Variants in PRKDC observed in about 807,000 individuals in gnomAD.
PRKDC encodes the protein DNA-dependent protein kinase catalytic subunit.
In PRKDC, 82 loss-of-function variants were observed where a neutral mutation model predicts 486.9. The observed-to-expected ratio is 0.17, with a 90% confidence interval of 0.14 to 0.20. The LOEUF (loss-of-function observed/expected upper bound fraction) is 0.20. Ranked by LOEUF, PRKDC falls within the 10% of genes least tolerant of loss-of-function variation. The pLI is 1.00. For missense variants in PRKDC, 4,504 were observed against 5,038.2 expected (o/e 0.89, Z 3.21); for synonymous variants, 1,895 against 1,837.0 (o/e 1.03, Z -0.81).
intron 36 of PRKDC, among the ~76,000 whole-genome samples, chr8:47,883,277 T>C (rs1419292166): frequency 6.6e-6 from 1 of 152,232 alleles, no homozygotes; most frequent in Admixed American, 6.5e-5. Flanking sequence ...TGAGAAGACA[T>C]ATGTCATTCA....
In PRKDC at chr8:47,886,190, T is replaced by C. The variant is rs375399455; in HGVS notation, c.4573-43A>G. On this transcript the variant is annotated intron_variant, in intron 35 of 85. Coordinates refer to ENST00000314191, the MANE Select transcript of PRKDC (RefSeq NM_006904.7). ...GAAGTACCATAACTGGGGCACATCT[T>C]TGCATGGCACAGAAAGACCCTTGGG... 1.0e-4 allele frequency: 155 copies of C among 1,477,162 alleles called. No homozygotes were observed. In the African/African-American group the frequency reaches 1.9e-3, roughly 18 times the overall value. The allele number at this position is 1,477,162 out of a possible 1,614,324, so 91.5% of individuals were successfully genotyped here.
intron 23 of PRKDC, 66 bp downstream of exon 23, chr8:47,915,262 C>T: frequency 1.1e-6 from 1 of 876,642 alleles, no homozygotes; most frequent in Non-Finnish European, 1.7e-6. Flanking sequence ...TATATTATGA[C>T]CTGGATACAT....
At chr8:47,787,696 G>C (rs1454194311) in intron 76 of PRKDC, among the ~76,000 whole-genome samples, 1 of 152,196 alleles carries the variant, frequency 6.6e-6, no homozygotes, top group Non-Finnish European at 1.5e-5. Flanking sequence ...CAGCCCTGCA[G>C]GGAAGTCTCA....
rs141732799 is a variant in PRKDC at position 47,785,648 on chromosome 8, C to T, written c.10903-331G>A. On this transcript the variant is annotated intron_variant, in intron 76 of 85. Transcript: ENST00000314191. ...ACTCAGGAGGCTGAAGTGGGAGGAT[C>T]GCTATTGAGCCCAGGAGTCTGAAGT... 2.8e-4 allele frequency among the ~76,000 whole-genome samples: 42 copies of T among 151,990 alleles called. 3 individuals carry two copies. The highest frequency in any genetic ancestry group is 7.0e-4 in the African/African-American group (29 of 41,442).
In PRKDC at chr8:47,774,355, C is replaced by T; in HGVS notation, c.12205G>A (p.Glu4069Lys). The change falls in exon 86 of 86, where the codon GAG (glutamate) becomes AAG (lysine). Residue 4069 changes from glutamate (E) to lysine (K), a missense_variant. Around this residue, in one of 6 missense-constraint regions of PRKDC, gnomAD observed 706 missense variants for 945.0 expected, o/e 0.75. Coordinates refer to ENST00000314191, the MANE Select transcript of PRKDC (RefSeq NM_006904.7). Reference protein sequence around the residue: ...ITCDELLLGHEKAPAFRDYVA... With the variant: ...ITCDELLLGHKKAPAFRDYVA... ...TAGTCTCTGAAGGCAGGGGCCTTCT[C>T]ATGACCCAGGAGTAGCTCATCACTG... is the stretch of plus-strand genomic sequence containing the variant. The T allele has an allele frequency of 6.2e-7, 1 of 1,613,122 alleles. No homozygotes were observed.
At chr8:47,905,054 C>A (rs1372244351) in intron 25 of PRKDC, 78 bp from the exon 26 acceptor site, 2 of 1,037,526 alleles carry the variant, frequency 1.9e-6, no homozygotes, top group Non-Finnish European at 2.9e-6. Context: ...CATTTAAATG[C>A]CATTTGCAGT....
At chr8:47,959,359 A>AT (rs2090770914) in intron 1 of PRKDC, 1 of 152,152 alleles carries the variant, frequency 6.6e-6, no homozygotes, top group African/African-American at 2.4e-5. Flanking sequence ...TACTGGTGGG[A>AT]TTAGGCGAGA....
intron 11 of PRKDC, among the ~76,000 whole-genome samples, chr8:47,938,119 G>C (rs2090385003): frequency 6.6e-6 from 1 of 151,652 alleles, no homozygotes. Context: ...AAAGGAAAAA[G>C]GGAGAGGCCA....
chr8:47,924,807 T>G (rs765580330), intron 21 of PRKDC, among the ~76,000 whole-genome samples: 1 of 152,188 alleles, frequency 6.6e-6, no homozygotes, highest in Non-Finnish European at 1.5e-5. Flanking sequence ...GACCATGGGT[T>G]CACACTGATA....
intron 54 of PRKDC, among the ~76,000 whole-genome samples, chr8:47,846,012 G>A (rs980402070): frequency 6.6e-6 from 1 of 152,184 alleles, no homozygotes; most frequent in African/African-American, 2.4e-5. Context: ...CCTAGAATGC[G>A]AGGTTGGTTC....
At position 47,819,309 on chromosome 8, in the gene PRKDC, GA is replaced by G; in HGVS notation, c.9445+92del. The G allele has an allele frequency of 5.2e-6, 4 of 776,100 alleles. No homozygotes were observed. The East Asian group carries it at 1.2e-4, about 22-fold the overall frequency. The allele number at this position is 776,100 out of a possible 1,614,324, so 48.1% of individuals were successfully genotyped here. ...ATGGAGTTTCCAACCCATACATTAA[GA>G]AACATGCACTTTCACTAAGCAGAAA... On this transcript the variant is annotated intron_variant, in intron 67 of 85. Transcript: ENST00000314191.
At chr8:47,926,145 T>TA (rs1173436358) in intron 21 of PRKDC, among the ~76,000 whole-genome samples, 1 of 152,250 alleles carries the variant, frequency 6.6e-6, no homozygotes, top group African/African-American at 2.4e-5. Flanking sequence ...ATCAGATATA[T>TA]TCATTTTACT....
rs1227109906 is a variant in PRKDC at position 47,886,016 on chromosome 8, G to A, written c.4704C>T (p.Asn1568=). The A allele has an allele frequency of 1.2e-6, 2 of 1,613,812 alleles. No homozygotes were observed. Among genetic ancestry groups the A allele is most frequent in the Non-Finnish European group, 1.7e-6 (2 of 1,179,912 alleles). The change falls in exon 36 of 86, where the codon AAC becomes AAT. Residue 1568 remains asparagine (N), a synonymous_variant. Coordinates refer to ENST00000314191, the MANE Select transcript of PRKDC (RefSeq NM_006904.7). ...YFYSLFSETI[N]TELLKNLDLA... ...GATCCAGATTTTTCAATAATTCCGT[G>A]TTGATCGTTTCTGAGAACAAGCTAT...
chr8:47,950,562 G>T (rs1420139773), intron 7 of PRKDC, among the ~76,000 whole-genome samples: 1 of 151,194 alleles, frequency 6.6e-6, no homozygotes. Flanking sequence ...CCGGAAGGGG[G>T]AGCTTGCAGT....
intron 56 of PRKDC, among the ~76,000 whole-genome samples, chr8:47,838,386 C>T (rs944435259): frequency 2.0e-5 from 3 of 152,164 alleles, no homozygotes; most frequent in African/African-American, 7.2e-5. Flanking sequence ...CAAACCAAGT[C>T]AGGAGGATTG....
intron 70 of PRKDC, among the ~76,000 whole-genome samples, chr8:47,802,917 T>A (rs1232585635): frequency 1.3e-5 from 2 of 152,162 alleles, no homozygotes. Flanking sequence ...CCTCCCAAAG[T>A]GCTGGGATTA....
chr8:47,802,013 C>T (rs1413116738), intron 70 of PRKDC, among the ~76,000 whole-genome samples: 2 of 152,150 alleles, frequency 1.3e-5, no homozygotes, highest in African/African-American at 4.8e-5. Context: ...CCTCCTCTTC[C>T]CCTCAAAAAA....
intron 28 of PRKDC, among the ~76,000 whole-genome samples, chr8:47,899,020 A>G (rs1162639814): frequency 6.6e-6 from 1 of 152,260 alleles, no homozygotes; most frequent in African/African-American, 2.4e-5. Flanking sequence ...TATGCAGGAT[A>G]AACTACGGTA....
Position 47,776,989 on chromosome 8 carries a change from A to G in PRKDC, c.12043-6T>C. On this transcript the variant is annotated splice_polypyrimidine_tract_variant and splice_region_variant and intron_variant, in intron 84 of 85. Transcript: ENST00000314191. ...AGCATTTTCTGTTCAAAATTCTAGA[A>G]GAAAAGAACATGATTTTCCCGGCTG... 1.2e-6 allele frequency: 2 copies of G among 1,607,742 alleles called. No individual in the cohort carries two copies. Among genetic ancestry groups the G allele is most frequent in the Non-Finnish European group, 1.7e-6 (2 of 1,178,220 alleles).
Sources: allele counts gnomAD v4.1 joint callset (sites outside exome capture counted in the v4.1 genomes callset), GRCh38; gene constraint gnomAD v4.1.1; regional missense constraint gnomAD v4.1.1; transcripts MANE v1.5; gene names NCBI Gene and HGNC (gene_info 2026-07-23, HGNC 2026-07-21).